Variants in PTPRC observed in about 807,000 individuals in gnomAD.
The protein encoded by PTPRC is protein tyrosine phosphatase receptor type C, also known as receptor-type tyrosine-protein phosphatase C.
PTPRC carries 44 observed loss-of-function variants against 155.9 expected under a neutral mutation model. That is an observed-to-expected ratio of 0.28 (90% CI 0.22 to 0.36). The LOEUF (loss-of-function observed/expected upper bound fraction) is 0.36, where lower values mean the gene tolerates loss of function less well. Ranked by LOEUF, PTPRC falls within the 10% of genes least tolerant of loss-of-function variation. The pLI is 1.00. For synonymous variants in PTPRC, 525 were observed against 533.1 expected (o/e 0.98, Z 0.21); for missense variants, 1,401 against 1,564.6 (o/e 0.90, Z 1.76).
rs1391606544 is a variant in PTPRC, at chr1:198,757,349, A to G, written c.*1168A>G. On this transcript the variant is annotated 3_prime_UTR_variant, in exon 33 of 33. Transcript: ENST00000442510. Reference sequence around the variant, plus strand: ...CTATTGAAATATGTTTAATGCATTTATTAACATTTGCAGGACACTTTTACA... The same window carrying G: ...CTATTGAAATATGTTTAATGCATTTGTTAACATTTGCAGGACACTTTTACA... 2 of 151,780 alleles carry G rather than the reference A, an allele frequency of 1.3e-5. No individual in the cohort carries two copies. Among genetic ancestry groups the G allele is most frequent in the Admixed American group, 1.3e-4 (2 of 15,214 alleles). The allele number at this position is 151,780 out of a possible 1,614,324, so 9.4% of individuals were successfully genotyped here. A position where few individuals can be genotyped will look rare whatever the true frequency, so the allele number is the denominator to read the frequency against.
chr1:198,749,441 A>T lies in PTPRC; in HGVS notation c.2964A>T (p.Lys988Asn). Residue 988 changes from lysine (K) to asparagine (N), a missense_variant, in exon 28 of 33, where the codon AAA becomes AAT. Lys to Asn is a moderately conservative substitution (Grantham distance 94). Around this residue, in one of 3 missense-constraint regions of PTPRC, gnomAD observed 400 missense variants for 389.5 expected, o/e 1.03. Coordinates refer to ENST00000442510, the MANE Select transcript of PTPRC (RefSeq NM_002838.5). ...ATGACTATAACAGAGTGCCACTTAA[A>T]CATGAGCTGGAAATGAGTAAAGAGA... is the stretch of plus-strand genomic sequence containing the variant. ...IPYDYNRVPL[K>N]HELEMSKESE... 1 of 1,609,996 alleles carries T rather than the reference A, an allele frequency of 6.2e-7. No individual in the cohort carries two copies. Among genetic ancestry groups the T allele is most frequent in the Admixed American group, 1.7e-5 (1 of 59,756 alleles).
intron 2 of PTPRC, among the ~76,000 whole-genome samples, chr1:198,647,126 A>G (rs966543480): frequency 6.6e-6 from 1 of 151,848 alleles, no homozygotes; most frequent in African/African-American, 2.4e-5. Flanking sequence ...TATAAATTGT[A>G]TTCAAATTTA....
chr1:198,704,365 A>T, intron 7 of PTPRC, 107 bp from the exon 8 acceptor site: 1 of 1,564,486 alleles, frequency 6.4e-7, no homozygotes, highest in Non-Finnish European at 8.7e-7. Flanking sequence ...ATCTAACTAG[A>T]TAGACTTTAT....
chr1:198,728,206 TA>T, intron 15 of PTPRC, 133 bp from the exon 16 acceptor site: 1 of 680,492 alleles, frequency 1.5e-6, no homozygotes, highest in Non-Finnish European at 2.3e-6. Context: ...GACCTTATTC[TA>T]AAATGTTTAT....
chr1:198,748,284 A>G, intron 27 of PTPRC, 85 bp downstream of exon 27: 1 of 1,485,428 alleles, frequency 6.7e-7, no homozygotes, highest in Admixed American at 2.5e-5. Flanking sequence ...CAGTCATATA[A>G]ATTATCTTGA....
chr1:198,672,483 T>G (rs752919854), intron 2 of PTPRC, among the ~76,000 whole-genome samples: 36 of 152,324 alleles, frequency 2.4e-4, no homozygotes, highest in African/African-American at 6.5e-4. Flanking sequence ...GGTTTGGTTT[T>G]GTTTAATACG....
At chr1:198,755,821 C>G in intron 32 of PTPRC, 85 bp from the exon 33 acceptor site, 1 of 1,365,396 alleles carries the variant, frequency 7.3e-7, no homozygotes, top group Non-Finnish European at 1.0e-6. Flanking sequence ...ACAAATAAAT[C>G]ATTAGTTCTT....
chr1:198,732,677 T>C lies in PTPRC; in HGVS notation c.2142+121T>C, dbSNP rs1654450792. ...GAAGTGAGCCCATATGTCACTGATATAAACAAAAAATTATCAATATTAGCA... is the reference window on the plus strand; with the variant it reads ...GAAGTGAGCCCATATGTCACTGATACAAACAAAAAATTATCAATATTAGCA... On this transcript the variant is annotated intron_variant, in intron 20 of 32. Coordinates refer to ENST00000442510, the MANE Select transcript of PTPRC (RefSeq NM_002838.5). 4 of 742,198 alleles carry C rather than the reference T, an allele frequency of 5.4e-6. No homozygotes were observed. The South Asian group carries it at 6.9e-5, about 13-fold the overall frequency. 46.0% of individuals were successfully genotyped at this position (742,198 alleles called of 1,614,324 possible). A position where few individuals can be genotyped will look rare whatever the true frequency, so the allele number is the denominator to read the frequency against.
At chr1:198,685,192 A>G (rs1161711766) in intron 2 of PTPRC, among the ~76,000 whole-genome samples, 2 of 151,956 alleles carry the variant, frequency 1.3e-5, no homozygotes, top group Non-Finnish European at 2.9e-5. Context: ...TAATATACCC[A>G]ATATTTTAAC....
At chr1:198,641,094 C>A (rs1326268) in intron 2 of PTPRC, among the ~76,000 whole-genome samples, 3 of 152,016 alleles carry the variant, frequency 2.0e-5, no homozygotes, top group South Asian at 2.1e-4. Context: ...GAAAACTCAA[C>A]TTTATCTTCA....
At chr1:198,667,588 C>A (rs1664395070) in intron 2 of PTPRC, among the ~76,000 whole-genome samples, 1 of 152,198 alleles carries the variant, frequency 6.6e-6, no homozygotes, top group African/African-American at 2.4e-5. Flanking sequence ...TCCATTCATT[C>A]AGTTATTCTA....
At chr1:198,692,206 T>C (rs895476478) in intron 2 of PTPRC, 141 bp from the exon 3 acceptor site, 5 of 507,606 alleles carry the variant, frequency 9.9e-6, no homozygotes, top group Non-Finnish European at 1.7e-5. Flanking sequence ...TATAGTTTCA[T>C]TAGGGTAAAA....
Position 198,654,212 on chromosome 1 carries a change from A to G in PTPRC, c.73+14871A>G, listed in dbSNP as rs1033492082. On this transcript the variant is annotated intron_variant, in intron 2 of 32. Coordinates refer to ENST00000442510, the MANE Select transcript of PTPRC (RefSeq NM_002838.5). Reference sequence around the variant, plus strand: ...TAGAGCCACAGATGTTTTCCTTTATAGTGTTAATTGATTTAAGGTCCATCA... The same window carrying G: ...TAGAGCCACAGATGTTTTCCTTTATGGTGTTAATTGATTTAAGGTCCATCA... Among the ~76,000 whole-genome samples the G allele has an allele frequency of 6.4e-4, 97 of 151,994 alleles. 1 individual carries two copies. Among genetic ancestry groups the G allele is most frequent in the Non-Finnish European group, 5.9e-5 (4 of 67,854 alleles).
At chr1:198,654,410 T>C (rs550503952) in intron 2 of PTPRC, among the ~76,000 whole-genome samples, 2 of 152,036 alleles carry the variant, frequency 1.3e-5, no homozygotes, top group South Asian at 4.1e-4. Flanking sequence ...TCTCTCACTT[T>C]ATAATGAAAG....
At chr1:198,641,373 G>A (rs767527161) in intron 2 of PTPRC, among the ~76,000 whole-genome samples, 18 of 151,950 alleles carry the variant, frequency 1.2e-4, no homozygotes, top group Non-Finnish European at 2.1e-4. Flanking sequence ...AATTAGTTTA[G>A]TGCCTACAGG....
intron 2 of PTPRC, among the ~76,000 whole-genome samples, chr1:198,684,841 C>A (rs1463012192): frequency 6.6e-6 from 1 of 151,904 alleles, no homozygotes; most frequent in Non-Finnish European, 1.5e-5. Context: ...CCTCATTCTC[C>A]CAAGTGCCTC....
At position 198,709,717 on chromosome 1, in the gene PTPRC, A is replaced by G. The variant is rs1653188631; in HGVS notation, c.1064A>G (p.Lys355Arg). 2 of 1,596,858 alleles carry G rather than the reference A, an allele frequency of 1.3e-6. No individual in the cohort carries two copies. Among genetic ancestry groups the G allele is most frequent in the Non-Finnish European group, 1.7e-6 (2 of 1,170,118 alleles). ...GNMIFDNKEI[K>R]LENLEPEHEY... ...ATGATATTTGATAATAAAGAAATTA[A>G]ATTAGAAAACCTTGAACCCGAACAT... The change falls in exon 11 of 33, where the codon AAA (lysine) becomes AGA (arginine). Residue 355 changes from lysine (K) to arginine (R), a missense_variant. Transcript: ENST00000442510.
In PTPRC at chr1:198,725,611, C is replaced by T. The variant is rs1314863683; in HGVS notation, c.1721-2729C>T. The stretch of plus-strand genomic sequence containing the variant: ...TTTTAGTCCTGTGCCTCATCCCTTC[C>T]CTGTACTGAGCCTGACTTTATTCTC... On this transcript the variant is annotated intron_variant, in intron 15 of 32. Coordinates refer to ENST00000442510, the MANE Select transcript of PTPRC (RefSeq NM_002838.5). 4.6e-5 allele frequency among the ~76,000 whole-genome samples: 7 copies of T among 152,100 alleles called. No homozygotes were observed. In the South Asian group the frequency reaches 1.4e-3, roughly 32 times the overall value.
chr1:198,734,278 G>A (rs1286594942), intron 21 of PTPRC, 46 bp downstream of exon 21: 9 of 1,608,412 alleles, frequency 5.6e-6, no homozygotes, highest in Non-Finnish European at 7.7e-6. Context: ...AATTTTTATA[G>A]CACTTTTAAG....
Sources: gnomAD v4.1 joint callset for allele counts (sites outside exome capture counted in the v4.1 genomes callset) on GRCh38, gnomAD v4.1.1 for gene constraint, gnomAD v4.1.1 regional missense constraint, MANE v1.5 for transcripts, NCBI Gene and HGNC (gene_info 2026-07-23, HGNC 2026-07-21) for gene names.